The following JAKMIP2 variants were observed in gnomAD, a reference collection of about 807,000 sequenced individuals.
JAKMIP2 encodes janus kinase and microtubule-interacting protein 2.
A neutral mutation model predicts 115.0 loss-of-function variants in JAKMIP2; 25 were observed. The ratio of observed to expected loss-of-function variants is 0.22; its 90% CI spans 0.16 to 0.30. JAKMIP2 has a LOEUF of 0.30. Among genes scored for constraint, JAKMIP2 ranks in the 10% least tolerant of loss-of-function variants. The pLI, the probability that JAKMIP2 is intolerant of heterozygous loss-of-function variation, is 1.00. For missense variants in JAKMIP2, 642 were observed against 957.6 expected (o/e 0.67, Z 4.35); for synonymous variants, 334 against 343.6 (o/e 0.97, Z 0.31).
intron 14 of JAKMIP2, among the ~76,000 whole-genome samples, chr5:147,631,075 G>A (rs529139314): frequency 6.6e-6 from 1 of 152,166 alleles, no homozygotes; most frequent in South Asian, 2.1e-4. Context: ...TTTTCTATCT[G>A]GCAGACTTGA....
At chr5:147,612,151 G>T (rs769785091) in intron 20 of JAKMIP2, 155 bp downstream of exon 20, 1 of 745,436 alleles carries the variant, frequency 1.3e-6, no homozygotes, top group Admixed American at 1.7e-5. Flanking sequence ...CTGGCATTCT[G>T]TTTGACTGAA....
chr5:147,666,930 A>G lies in JAKMIP2; in HGVS notation c.129+4748T>C, dbSNP rs140367422. The stretch of plus-strand genomic sequence containing the variant: ...AATATAATTTTAATAAATACTGTGT[A>G]TATATTAATATTATACACTATTACA... On this transcript the variant is annotated intron_variant, in intron 2 of 21. Transcript: ENST00000616793. Among the ~76,000 whole-genome samples the G allele has an allele frequency of 3.1e-3, 475 of 152,242 alleles. 3 individuals are homozygous for G. The highest frequency in any genetic ancestry group is 0.011 in the African/African-American group (462 of 41,556).
intron 2 of JAKMIP2, among the ~76,000 whole-genome samples, chr5:147,666,826 T>C (rs931914807): frequency 3.9e-5 from 6 of 152,158 alleles, no homozygotes; most frequent in Non-Finnish European, 5.9e-5. Flanking sequence ...ATGATTGATA[T>C]AGGCAATGGA....
At chr5:147,668,768 A>C (rs911451056) in intron 2 of JAKMIP2, among the ~76,000 whole-genome samples, 2 of 152,244 alleles carry the variant, frequency 1.3e-5, no homozygotes, top group African/African-American at 4.8e-5. Context: ...CCCATTTGAC[A>C]GATGAAGAAG....
Position 147,588,373 on chromosome 5 carries a change from G to A in JAKMIP2, c.*3334C>T, listed in dbSNP as rs1264253694. 1.3e-5 allele frequency: 2 copies of A among 150,940 alleles called. No homozygotes were observed. The highest frequency in any genetic ancestry group is 2.9e-5 in the Non-Finnish European group (2 of 67,810). 9.4% of individuals were successfully genotyped at this position (150,940 alleles called of 1,614,324 possible). A position where few individuals can be genotyped will look rare whatever the true frequency, so the allele number is the denominator to read the frequency against. The stretch of plus-strand genomic sequence containing the variant: ...AATGCATCTCGGTAGTACAGATGCA[G>A]AAGTGGGGCCACAGGAAATCTCAGT... On this transcript the variant is annotated 3_prime_UTR_variant, in exon 22 of 22. Coordinates refer to ENST00000616793, the MANE Select transcript of JAKMIP2 (RefSeq NM_001270941.2).
At chr5:147,771,629 G>T (rs867518583) in intron 1 of JAKMIP2, among the ~76,000 whole-genome samples, 2 of 151,930 alleles carry the variant, frequency 1.3e-5, no homozygotes, top group Non-Finnish European at 2.9e-5. Flanking sequence ...TCTCATCACC[G>T]TATGCATTCA....
intron 21 of JAKMIP2, among the ~76,000 whole-genome samples, chr5:147,600,117 G>A (rs563302150): frequency 6.1e-4 from 88 of 145,230 alleles, no homozygotes; most frequent in East Asian, 4.2e-3. Context: ...TTTTTGGTGG[G>A]GGGAGGCTGT....
chr5:147,740,923 T>A (rs1180470419), intron 1 of JAKMIP2, among the ~76,000 whole-genome samples: 1 of 152,196 alleles, frequency 6.6e-6, no homozygotes, highest in African/African-American at 2.4e-5. Context: ...ATTTTTAATA[T>A]GATCATAGAT....
intron 1 of JAKMIP2, among the ~76,000 whole-genome samples, chr5:147,703,529 C>T (rs1286118284): frequency 6.6e-6 from 1 of 151,656 alleles, no homozygotes; most frequent in African/African-American, 2.4e-5. Context: ...AACACTTAGG[C>T]TACACTAAAT....
intron 1 of JAKMIP2, 35 bp from the exon 2 acceptor site, chr5:147,671,989 G>A: frequency 8.2e-7 from 1 of 1,223,100 alleles, no homozygotes; most frequent in Non-Finnish European, 1.0e-6. Context: ...TATTGTTTTG[G>A]CAAAGACCTG....
chr5:147,675,423 A>G (rs1314056427), intron 1 of JAKMIP2, among the ~76,000 whole-genome samples: 1 of 150,970 alleles, frequency 6.6e-6, no homozygotes, highest in African/African-American at 2.4e-5. Flanking sequence ...TGGCAATCTC[A>G]TGATTCTCAT....
chr5:147,595,658 G>C (rs1755344256), intron 21 of JAKMIP2: 2 of 344,422 alleles, frequency 5.8e-6, no homozygotes, highest in Non-Finnish European at 5.9e-6. Context: ...ATTGTTGTAA[G>C]TATTACATAA....
rs574426901 is a variant in JAKMIP2, at chr5:147,764,942, G to A, written c.-149+17514C>T. ...AGAAAGAGAGAGAGAGAGAGAGAGA[G>A]AGAGGGAGAGAGAGAGAGAGAGAGG... On this transcript the variant is annotated intron_variant, in intron 1 of 21. Coordinates refer to ENST00000616793, the MANE Select transcript of JAKMIP2 (RefSeq NM_001270941.2). Among the ~76,000 whole-genome samples, 76 of 91,552 alleles carry A rather than the reference G, an allele frequency of 8.3e-4. 1 individual carries two copies. The highest frequency in any genetic ancestry group is 6.4e-3 in the East Asian group (15 of 2,338). The allele number at this position is 91,552 out of a possible 152,430, so 60.1% of individuals were successfully genotyped here. A position where few individuals can be genotyped will look rare whatever the true frequency, so the allele number is the denominator to read the frequency against.
intron 19 of JAKMIP2, among the ~76,000 whole-genome samples, chr5:147,613,979 G>A (rs1756451724): frequency 1.3e-5 from 2 of 152,186 alleles, no homozygotes; most frequent in Admixed American, 6.5e-5. Context: ...TGCTGTCAGT[G>A]CTCCATAGCT....
intron 1 of JAKMIP2, among the ~76,000 whole-genome samples, chr5:147,778,370 T>C (rs1476961337): frequency 6.6e-6 from 1 of 152,092 alleles, no homozygotes; most frequent in Non-Finnish European, 1.5e-5. Context: ...CAATTAAATA[T>C]GGCCAAAGAA....
At chr5:147,765,556 G>C (rs771876694) in intron 1 of JAKMIP2, among the ~76,000 whole-genome samples, 4 of 152,034 alleles carry the variant, frequency 2.6e-5, no homozygotes, top group Admixed American at 2.6e-4. Flanking sequence ...GGAATCACTT[G>C]CTTTAAAGGT....
At chr5:147,767,012 A>G (rs2127065302) in intron 1 of JAKMIP2, among the ~76,000 whole-genome samples, 1 of 152,254 alleles carries the variant, frequency 6.6e-6, no homozygotes, top group South Asian at 2.1e-4. Context: ...CTGCTTGCAC[A>G]TTGGCCTTAA....
intron 1 of JAKMIP2, among the ~76,000 whole-genome samples, chr5:147,685,089 G>C (rs1014554739): frequency 1.3e-5 from 2 of 152,130 alleles, no homozygotes; most frequent in Admixed American, 1.3e-4. Context: ...CCTATAACTT[G>C]AGTTAATAGG....
chr5:147,591,651 T>C lies in JAKMIP2; in HGVS notation c.*56A>G. The C allele has an allele frequency of 6.3e-7, 1 of 1,594,126 alleles. No individual in the cohort carries two copies. The highest frequency in any genetic ancestry group is 1.7e-5 in the Admixed American group (1 of 58,798). On this transcript the variant is annotated 3_prime_UTR_variant, in exon 22 of 22. Coordinates refer to ENST00000616793, the MANE Select transcript of JAKMIP2 (RefSeq NM_001270941.2). Reference sequence around the variant, plus strand: ...CCATCTTTGAAGGTTTAGAAGCACTTGTCTTCCTGGGATCTTATCCATGTT... The same window carrying C: ...CCATCTTTGAAGGTTTAGAAGCACTCGTCTTCCTGGGATCTTATCCATGTT...
Sources: allele counts gnomAD v4.1 joint callset (sites outside exome capture counted in the v4.1 genomes callset), GRCh38; gene constraint gnomAD v4.1.1; transcripts MANE v1.5; gene names NCBI Gene and HGNC (gene_info 2026-07-23, HGNC 2026-07-21).